The following ADGRL2 variants were observed in gnomAD, a reference collection of about 807,000 sequenced individuals.
ADGRL2 encodes the protein adhesion G protein-coupled receptor L2.
Under a neutral mutation model 157.4 loss-of-function variants are expected in ADGRL2, and 44 were observed. The ratio of observed to expected loss-of-function variants is 0.28; its 90% CI spans 0.22 to 0.36. The LOEUF is 0.36. Among genes scored for constraint, ADGRL2 ranks in the 10% least tolerant of loss-of-function variants. The pLI is 1.00. For synonymous variants in ADGRL2, 585 were observed against 624.7 expected (o/e 0.94, Z 0.95); for missense variants, 1,510 against 1,768.9 (o/e 0.85, Z 2.63).
At chr1:81,927,926 TA>T (rs1239333918) in intron 3 of ADGRL2, among the ~76,000 whole-genome samples, 4 of 151,972 alleles carry the variant, frequency 2.6e-5, no homozygotes, top group African/African-American at 9.6e-5. Flanking sequence ...CATTATAAAA[TA>T]AAAAAAACTT....
intron 3 of ADGRL2, among the ~76,000 whole-genome samples, chr1:81,675,117 A>G (rs1190305481): frequency 8.5e-5 from 13 of 152,186 alleles, no homozygotes; most frequent in Non-Finnish European, 1.8e-4. Flanking sequence ...ACGAAATAAC[A>G]TAACTGAGAA....
intron 2 of ADGRL2, chr1:81,503,061 G>C (rs1489478273): frequency 1.2e-6 from 2 of 1,609,164 alleles, no homozygotes; most frequent in Admixed American, 1.7e-5. Flanking sequence ...AGCAGCTGCG[G>C]GAGCGGCTGG....
chr1:81,479,774 G>A lies in ADGRL2; in HGVS notation c.-248+34685G>A, dbSNP rs1454001430. On this transcript the variant is annotated intron_variant, in intron 2 of 24. Transcript: ENST00000370721. ...TTCCCATGTGATTTTACATCTGAGC[G>A]AATTTAACCAGGAAAGTCTTGTTTC... 8.5e-5 allele frequency among the ~76,000 whole-genome samples: 13 copies of A among 152,216 alleles called. No homozygotes were observed. The East Asian group carries it at 1.9e-3, about 23-fold the overall frequency.
At chr1:81,767,311 T>C (rs1419951798) in intron 2 of ADGRL2, among the ~76,000 whole-genome samples, 1 of 152,188 alleles carries the variant, frequency 6.6e-6, no homozygotes, top group African/African-American at 2.4e-5. Context: ...AGTGCTTCTA[T>C]GACCAGTCTT....
chr1:81,856,374 A>G (rs542935047), intron 2 of ADGRL2, among the ~76,000 whole-genome samples: 2 of 152,282 alleles, frequency 1.3e-5, no homozygotes, highest in East Asian at 3.9e-4. Context: ...CTTGAGAACA[A>G]GAGAAACGTA....
chr1:81,402,584 A>AAAAAC (rs2076776453), intron 1 of ADGRL2, among the ~76,000 whole-genome samples: 1 of 152,230 alleles, frequency 6.6e-6, no homozygotes, highest in South Asian at 2.1e-4. Flanking sequence ...AACTACTGTG[A>AAAAAC]AAAACAAAAC....
At chr1:81,726,636 T>C (rs2084539636) in intron 1 of ADGRL2, among the ~76,000 whole-genome samples, 2 of 152,146 alleles carry the variant, frequency 1.3e-5, no homozygotes, top group Non-Finnish European at 2.9e-5. Context: ...TTTACCAGAA[T>C]TGGGAAATAT....
At chr1:81,981,634 G>C (rs1340777954) in intron 18 of ADGRL2, among the ~76,000 whole-genome samples, 174 bp from the exon 19 acceptor site, 5 of 151,960 alleles carry the variant, frequency 3.3e-5, no homozygotes, top group African/African-American at 7.2e-5. Flanking sequence ...GGAGGCTGCA[G>C]TACTAAATGC....
At chr1:81,353,526 G>C (rs570491935) in intron 1 of ADGRL2, among the ~76,000 whole-genome samples, 9 of 152,040 alleles carry the variant, frequency 5.9e-5, no homozygotes, top group Non-Finnish European at 1.2e-4. Flanking sequence ...GATGATGAGA[G>C]CTTTAAAGAC....
chr1:81,570,073 A>C (rs2080651868), intron 2 of ADGRL2, among the ~76,000 whole-genome samples: 1 of 152,152 alleles, frequency 6.6e-6, no homozygotes, highest in South Asian at 2.1e-4. Context: ...AAGTCACAAC[A>C]TCATAGTCCC....
intron 2 of ADGRL2, among the ~76,000 whole-genome samples, chr1:81,497,655 C>G (rs1308230492): frequency 6.6e-6 from 1 of 152,218 alleles, no homozygotes. Flanking sequence ...AGTTGTTTAA[C>G]CTTTCTCTAC....
intron 2 of ADGRL2, among the ~76,000 whole-genome samples, chr1:81,768,714 C>G (rs1355924980): frequency 1.3e-5 from 2 of 152,138 alleles, no homozygotes; most frequent in Admixed American, 6.5e-5. Context: ...CTCAAGCAAT[C>G]CTCCTGCCTT....
chr1:81,951,107 C>A lies in ADGRL2; in HGVS notation c.1594C>A (p.Gln532Lys). The change falls in exon 8 of 24, where the codon CAG becomes AAG. Residue 532 changes from glutamine to lysine, a missense_variant. Gln to Lys is a moderately conservative substitution (Grantham distance 53). Transcript: ENST00000686636. Reference protein sequence around the residue: ...LSNCTSHWVNQLAQKIRSGEN... With the variant: ...LSNCTSHWVNKLAQKIRSGEN... The stretch of plus-strand genomic sequence containing the variant: ...CAACTGTACCTCACACTGGGTGAAT[C>A]AGCTGGCTCAGAAGGTTGGTTGGAA... 1.9e-6 allele frequency: 3 copies of A among 1,612,196 alleles called. No homozygotes were observed. Among genetic ancestry groups the A allele is most frequent in the Non-Finnish European group, 2.5e-6 (3 of 1,178,416 alleles).
intron 3 of ADGRL2, among the ~76,000 whole-genome samples, chr1:81,673,250 G>A (rs1253345126): frequency 1.3e-5 from 2 of 152,078 alleles, no homozygotes; most frequent in African/African-American, 4.8e-5. Context: ...CTTAAGCAGA[G>A]TAATTCTATT....
chr1:81,497,089 G>A (rs1161967911), intron 2 of ADGRL2, among the ~76,000 whole-genome samples: 1 of 152,084 alleles, frequency 6.6e-6, no homozygotes, highest in East Asian at 1.9e-4. Context: ...AAAGGGCCAG[G>A]AATGACTTAT....
chr1:81,862,685 A>G (rs1315245214), intron 2 of ADGRL2, among the ~76,000 whole-genome samples: 2 of 152,190 alleles, frequency 1.3e-5, no homozygotes, highest in African/African-American at 2.4e-5. Flanking sequence ...CTTTAGGGAA[A>G]GAAGAATAAT....
chr1:81,519,433 C>G (rs2079258719), intron 2 of ADGRL2, among the ~76,000 whole-genome samples: 1 of 151,660 alleles, frequency 6.6e-6, no homozygotes, highest in Non-Finnish European at 1.5e-5. Context: ...TAGGAATATA[C>G]CCAAGAAAAG....
chr1:81,647,715 T>G (rs2082341018), intron 3 of ADGRL2, among the ~76,000 whole-genome samples: 1 of 152,184 alleles, frequency 6.6e-6, no homozygotes, highest in Non-Finnish European at 1.5e-5. Flanking sequence ...AGGTGCACTC[T>G]CAACAAGACA....
intron 2 of ADGRL2, among the ~76,000 whole-genome samples, chr1:81,555,250 G>T (rs1197769615): frequency 6.7e-6 from 1 of 150,044 alleles, no homozygotes; most frequent in Non-Finnish European, 1.5e-5. Flanking sequence ...AATAATGCTG[G>T]TCTCTATTTC....
Sources: gnomAD v4.1 joint callset for allele counts (sites outside exome capture counted in the v4.1 genomes callset) on GRCh38, gnomAD v4.1.1 for gene constraint, MANE v1.5 for transcripts, NCBI Gene and HGNC (gene_info 2026-07-23, HGNC 2026-07-21) for gene names.